The following DNAH9 variants were observed in gnomAD, a reference collection of about 807,000 sequenced individuals.
DNAH9 encodes dynein axonemal heavy chain 9.
Under a neutral mutation model 471.6 loss-of-function variants are expected in DNAH9, and 345 were observed. The observed-to-expected ratio is 0.73, with a 90% CI of 0.67 to 0.80. DNAH9 has a LOEUF of 0.80. Ranked by LOEUF, DNAH9 falls within the 30% of genes least tolerant of loss-of-function variation. The pLI is 0.00. For missense variants in DNAH9, 5,407 were observed against 5,609.2 expected, an observed-to-expected ratio of 0.96 and a Z score of 1.15; for synonymous variants, 2,093 against 2,123.6, an observed-to-expected ratio of 0.99 and a Z score of 0.40.
Position 11,636,061 on chromosome 17 carries a change from C to CGATCTT in DNAH9, c.1636-571_1636-566dup, listed in dbSNP as rs569933323. Among the ~76,000 whole-genome samples the CGATCTT allele has an allele frequency of 5.4e-4, 82 of 152,088 alleles. 1 individual carries two copies. In the East Asian group the frequency reaches 8.9e-3, roughly 17 times the overall value. On this transcript the variant is annotated intron_variant, in intron 8 of 68. Coordinates refer to ENST00000262442, the MANE Select transcript of DNAH9 (RefSeq NM_001372.4). ...TCGCCCAGGCTGGAGTGCAATGGCA[C>CGATCTT]GATCTTGGCATCTTGGCTCACTGCA...
At chr17:11,673,602 T>TTG (rs973098776) in intron 17 of DNAH9, among the ~76,000 whole-genome samples, 3 of 7,564 alleles carry the variant, frequency 4.0e-4, no homozygotes, top group Non-Finnish European at 1.6e-3. Context: ...TTTATATTTG[T>TTG]TTTTTTTTTT....
chr17:11,756,260 G>C (rs1339999259), intron 33 of DNAH9, among the ~76,000 whole-genome samples: 6 of 130,838 alleles, frequency 4.6e-5, no homozygotes, highest in Non-Finnish European at 1.6e-5. Flanking sequence ...CTGGGTGACA[G>C]AGCGAGACTC....
In DNAH9 at chr17:11,747,656, C is replaced by T. The variant is rs1966946004; in HGVS notation, c.6500C>T (p.Thr2167Ile). Residue 2167 changes from threonine (T) to isoleucine (I), a missense_variant, in exon 32 of 69, where the codon ACC (threonine) becomes ATC (isoleucine). This residue lies in a region of DNAH9 where 4,636 missense variants were observed against 4,900.3 expected (regional missense o/e 0.95). Transcript: ENST00000262442. ...CAGGTGCTGAGGTCCTTGCACAAGA[C>T]CTATCAGATCATGAAACGGCGCCCC... Reference protein sequence around the residue: ...KSQVLRSLHKTYQIMKRRPVW... With the variant: ...KSQVLRSLHKIYQIMKRRPVW... 2 of 1,614,070 alleles carry T rather than the reference C, an allele frequency of 1.2e-6. No individual in the cohort carries two copies. Among genetic ancestry groups the T allele is most frequent in the Non-Finnish European group, 1.7e-6 (2 of 1,180,012 alleles).
At chr17:11,695,783 C>T (rs1567726855) in intron 22 of DNAH9, among the ~76,000 whole-genome samples, 1 of 152,254 alleles carries the variant, frequency 6.6e-6, no homozygotes, top group South Asian at 2.1e-4. Context: ...AGAATTTTCC[C>T]AATATGCTGC....
chr17:11,629,611 A>C, intron 7 of DNAH9, 27 bp downstream of exon 7: 1 of 1,604,780 alleles, frequency 6.2e-7, no homozygotes, highest in Non-Finnish European at 8.5e-7. Context: ...CTGAATCGCC[A>C]GCTCTGCCTC....
chr17:11,768,977 T>A (rs541515534), intron 37 of DNAH9, 145 bp from the exon 38 acceptor site: 1 of 835,500 alleles, frequency 1.2e-6, no homozygotes, highest in African/African-American at 1.7e-5. Context: ...ACTGTGAACA[T>A]CAGGGAAGAT....
Position 11,669,203 on chromosome 17 carries a change from T to C in DNAH9, c.2871T>C (p.Phe957=). 1.9e-6 allele frequency: 3 copies of C among 1,614,088 alleles called. No homozygotes were observed. The highest frequency in any genetic ancestry group is 2.5e-6 in the Non-Finnish European group (3 of 1,179,992). ...DIVEGLITSI[F]RIPSLVPRLS... is the part of the protein sequence containing the mutation. ...TTGAGGGTCTCATCACCAGCATTTT[T>C]AGGATACCATCTCTGGTGCCACGGC... Residue 957 remains phenylalanine, a synonymous_variant, in exon 16 of 69, where the codon TTT becomes TTC. Coordinates refer to ENST00000262442, the MANE Select transcript of DNAH9 (RefSeq NM_001372.4).
chr17:11,924,077 C>T lies in DNAH9; in HGVS notation c.11877+136C>T, dbSNP rs531036121. The T allele has an allele frequency of 6.1e-6, 8 of 1,304,434 alleles. No individual in the cohort carries two copies. In the East Asian group the frequency reaches 1.2e-4, roughly 20 times the overall value. 80.8% of individuals were successfully genotyped at this position (1,304,434 alleles called of 1,614,324 possible). A position where few individuals can be genotyped will look rare whatever the true frequency, so the allele number is the denominator to read the frequency against. ...CTTGTCCCCTTCATTTCTTCATCTT[C>T]TCTCTTTCCAGTTCTCCTCACTCAT... On this transcript the variant is annotated intron_variant, in intron 62 of 68. Transcript: ENST00000262442.
chr17:11,856,165 C>T (rs948549474), intron 50 of DNAH9, among the ~76,000 whole-genome samples: 2 of 152,270 alleles, frequency 1.3e-5, no homozygotes, highest in African/African-American at 2.4e-5. Flanking sequence ...GACTCAATCA[C>T]GGCTGTGATC....
At chr17:11,876,088 A>T (rs1224904718) in intron 53 of DNAH9, among the ~76,000 whole-genome samples, 1 of 152,168 alleles carries the variant, frequency 6.6e-6, no homozygotes, top group Non-Finnish European at 1.5e-5. Context: ...GGTTCACAGA[A>T]GTTAAGTAAT....
At chr17:11,796,003 A>C (rs1457441372) in intron 42 of DNAH9, among the ~76,000 whole-genome samples, 1 of 152,188 alleles carries the variant, frequency 6.6e-6, no homozygotes, top group Non-Finnish European at 1.5e-5. Flanking sequence ...TCTCTGATTC[A>C]TGGCCCTGTG....
intron 67 of DNAH9, among the ~76,000 whole-genome samples, chr17:11,952,189 G>T (rs944866740): frequency 6.8e-6 from 1 of 148,014 alleles, no homozygotes. Context: ...GCCCAGGCTG[G>T]AGTTCAGTGG....
intron 53 of DNAH9, among the ~76,000 whole-genome samples, chr17:11,878,248 A>G (rs963788697): frequency 6.7e-6 from 1 of 149,006 alleles, no homozygotes; most frequent in Admixed American, 6.8e-5. Flanking sequence ...TTCTTAGTTC[A>G]TGTCCATTAA....
chr17:11,697,134 G>A (rs7220098), intron 22 of DNAH9, among the ~76,000 whole-genome samples: 117,429 of 152,106 alleles, frequency 0.77, 45,792 homozygotes, highest in East Asian at 0.9. Context: ...TGGGATTATA[G>A]GCATGAGCCA....
Position 11,705,031 on chromosome 17 carries a change from A to G in DNAH9, c.5398A>G (p.Asn1800Asp), listed in dbSNP as rs749549427. ...TCTACCACTCTCTCTTTAGGTAGAC[A>G]ATGCCCAGGCTTTCCTCTGGCTGTC... ...VAKMIAQKVD[N>D]AQAFLWLSQL... The change falls in exon 26 of 69, where the codon AAT (asparagine) becomes GAT (aspartate). Residue 1800 changes from asparagine (N) to aspartate (D), a missense_variant. By Grantham distance (23) the Asn-to-Asp change is conservative. Coordinates refer to ENST00000262442, the MANE Select transcript of DNAH9 (RefSeq NM_001372.4). 16 of 1,614,112 alleles carry G rather than the reference A, an allele frequency of 9.9e-6. 1 individual carries two copies. In the South Asian group the frequency reaches 1.8e-4, roughly 18 times the overall value.
chr17:11,654,335 C>G (rs1214054832), intron 14 of DNAH9, among the ~76,000 whole-genome samples: 10 of 31,172 alleles, frequency 3.2e-4, no homozygotes, highest in Non-Finnish European at 4.6e-4. Flanking sequence ...CAGCCTGGGC[C>G]ACAGAGCGAG....
intron 6 of DNAH9, among the ~76,000 whole-genome samples, chr17:11,622,910 C>T (rs1478491062): frequency 1.3e-5 from 2 of 151,882 alleles, no homozygotes; most frequent in Non-Finnish European, 2.9e-5. Context: ...CTGTCCTTGG[C>T]TCTGGTTAGC....
chr17:11,905,539 A>G (rs1321459393), intron 60 of DNAH9, 122 bp from the exon 61 acceptor site: 7 of 1,065,806 alleles, frequency 6.6e-6, no homozygotes, highest in Admixed American at 2.6e-5. Flanking sequence ...TCCTAGCTCT[A>G]TAACTACCTA....
At chr17:11,848,876 G>A (rs983887842) in intron 49 of DNAH9, among the ~76,000 whole-genome samples, 3 of 150,784 alleles carry the variant, frequency 2.0e-5, no homozygotes, top group Admixed American at 6.6e-5. Context: ...TCGCTCTGTC[G>A]CCCAGGCTGG....
Sources: gnomAD v4.1 joint callset for allele counts (sites outside exome capture counted in the v4.1 genomes callset) on GRCh38, gnomAD v4.1.1 for gene constraint, gnomAD v4.1.1 regional missense constraint, MANE v1.5 for transcripts, NCBI Gene and HGNC (gene_info 2026-07-23, HGNC 2026-07-21) for gene names.